MYOM2: variants seen among roughly 807,000 people sequenced by gnomAD.
MYOM2 encodes myomesin-2.
MYOM2 carries 254 observed loss-of-function variants against 187.6 expected under a neutral mutation model. The ratio of observed to expected loss-of-function variants is 1.35; its 90% CI spans 1.22 to 1.50. MYOM2 has a LOEUF of 1.50. Among genes scored for constraint, MYOM2 ranks in the 40% most tolerant of loss-of-function variants. MYOM2 has a pLI of 0.00. For synonymous variants in MYOM2, 981 were observed against 753.8 expected (o/e 1.30, Z -4.94); for missense variants, 2,796 against 1,924.0 (o/e 1.45, Z -8.48).
At chr8:2,054,311 C>T (rs1284933466) in intron 3 of MYOM2, among the ~76,000 whole-genome samples, 2 of 151,956 alleles carry the variant, frequency 1.3e-5, no homozygotes, top group African/African-American at 2.4e-5. Flanking sequence ...GATACGACCC[C>T]GATGCTCTGA....
At chr8:2,094,213 A>G in intron 17 of MYOM2, 122 bp downstream of exon 17, 1 of 1,296,064 alleles carries the variant, frequency 7.7e-7, no homozygotes, top group Non-Finnish European at 1.1e-6. Flanking sequence ...AAATTCCTGA[A>G]CAGAGAACTT....
At chr8:2,130,723 A>G (rs1405203135) in intron 32 of MYOM2, among the ~76,000 whole-genome samples, 1 of 152,194 alleles carries the variant, frequency 6.6e-6, no homozygotes, top group East Asian at 1.9e-4. Context: ...TGTAGATCCC[A>G]TGTTAAGGGA....
At position 2,144,766 on chromosome 8, in the gene MYOM2, G is replaced by A. The variant is rs141655876; in HGVS notation, c.4183G>A (p.Val1395Met). Residue 1395 changes from valine (V) to methionine (M), a missense_variant, in exon 37 of 37, where the codon GTG becomes ATG. Val to Met is a conservative substitution (Grantham distance 21). Coordinates refer to ENST00000262113, the MANE Select transcript of MYOM2 (RefSeq NM_003970.4). ...GCTCAGCGAGCACTTCTCGGTGAAGGTGGAGCAGGCCAAGTACGTCAGCAT... is the reference window on the plus strand; with the variant it reads ...GCTCAGCGAGCACTTCTCGGTGAAGATGGAGCAGGCCAAGTACGTCAGCAT... ...IQLSEHFSVKVEQAKYVSMTI... is the reference protein window; with the variant it reads ...IQLSEHFSVKMEQAKYVSMTI... The A allele has an allele frequency of 3.7e-6, 6 of 1,614,082 alleles. No individual in the cohort carries two copies. In the South Asian group the frequency reaches 5.5e-5, roughly 15 times the overall value.
At chr8:2,081,510 G>A (rs181744492) in intron 13 of MYOM2, among the ~76,000 whole-genome samples, 35 of 152,364 alleles carry the variant, frequency 2.3e-4, no homozygotes, top group Non-Finnish European at 4.1e-4. Context: ...GGGCAGCCCG[G>A]ATCACGCTGA....
chr8:2,093,838 T>C, intron 16 of MYOM2, 132 bp from the exon 17 acceptor site: 1 of 1,076,756 alleles, frequency 9.3e-7, no homozygotes, highest in Non-Finnish European at 1.4e-6. Context: ...GCTAATTAAC[T>C]AGAATTGAAA....
At position 2,144,995 on chromosome 8, in the gene MYOM2, G is replaced by A; in HGVS notation, c.*14G>A. 6.2e-7 allele frequency: 1 copy of A among 1,610,100 alleles called. No homozygotes were observed. Among genetic ancestry groups the A allele is most frequent in the Non-Finnish European group, 8.5e-7 (1 of 1,179,016 alleles). On this transcript the variant is annotated 3_prime_UTR_variant, in exon 37 of 37. Coordinates refer to ENST00000262113, the MANE Select transcript of MYOM2 (RefSeq NM_003970.4). ...GCAGGCCAGTGAAGGCGTTTTCCTA[G>A]CCTGGAGATGGGAAAATATGCTTGG...
At chr8:2,126,220 T>C (rs796942850) in intron 31 of MYOM2, among the ~76,000 whole-genome samples, 13 of 152,266 alleles carry the variant, frequency 8.5e-5, no homozygotes, top group African/African-American at 1.9e-4. Context: ...GGGAGTTGGA[T>C]AGGGACAGAG....
rs184256617 is a variant in MYOM2 at position 2,083,864 on chromosome 8, C to A, written c.1517-1399C>A. On this transcript the variant is annotated intron_variant, in intron 13 of 36. Coordinates refer to ENST00000262113, the MANE Select transcript of MYOM2 (RefSeq NM_003970.4). ...GACAAAGCTGTGTTCTTCCTTCTCA[C>A]CTTGTCATCAAAGGAACTGTCTCTC... 3.1e-3 allele frequency among the ~76,000 whole-genome samples: 473 copies of A among 152,330 alleles called. 3 individuals are homozygous for A. Among genetic ancestry groups the A allele is most frequent in the Admixed American group, 6.8e-3 (104 of 15,312 alleles).
chr8:2,106,724 G>A, intron 23 of MYOM2, 127 bp downstream of exon 23: 1 of 676,728 alleles, frequency 1.5e-6, no homozygotes, highest in Non-Finnish European at 2.5e-6. Flanking sequence ...GGCGGTGGGG[G>A]CTATGTATAT....
chr8:2,124,493 T>A (rs1267159793), intron 31 of MYOM2, among the ~76,000 whole-genome samples: 2 of 152,246 alleles, frequency 1.3e-5, no homozygotes, highest in Non-Finnish European at 2.9e-5. Context: ...TTAATTGGCA[T>A]GACTGCTTTG....
chr8:2,102,514 T>G (rs560219666), intron 20 of MYOM2, among the ~76,000 whole-genome samples, 153 bp from the exon 21 acceptor site: 22 of 152,360 alleles, frequency 1.4e-4, no homozygotes, highest in African/African-American at 4.8e-4. Flanking sequence ...GTGAATCTCC[T>G]CTTCCCTCCT....
intron 32 of MYOM2, among the ~76,000 whole-genome samples, chr8:2,129,930 T>C (rs1367958707): frequency 6.6e-6 from 1 of 152,172 alleles, no homozygotes; most frequent in East Asian, 1.9e-4. Flanking sequence ...TCACCGCAGA[T>C]AAAAGTGGAC....
At chr8:2,093,728 G>A (rs918887516) in intron 16 of MYOM2, among the ~76,000 whole-genome samples, 2 of 152,206 alleles carry the variant, frequency 1.3e-5, no homozygotes, top group Non-Finnish European at 2.9e-5. Flanking sequence ...AAGTACAAAA[G>A]CAAAGGTGAA....
At chr8:2,059,442 G>A (rs1818779985) in intron 6 of MYOM2, among the ~76,000 whole-genome samples, 197 bp downstream of exon 6, 1 of 152,098 alleles carries the variant, frequency 6.6e-6, no homozygotes. Flanking sequence ...TCTGGCCAGA[G>A]GAATGCAAAC....
intron 21 of MYOM2, among the ~76,000 whole-genome samples, chr8:2,105,825 C>G (rs1330837880): frequency 6.6e-6 from 1 of 152,186 alleles, no homozygotes; most frequent in South Asian, 2.1e-4. Flanking sequence ...TGGGTACCCC[C>G]TCGGCATTAG....
intron 6 of MYOM2, among the ~76,000 whole-genome samples, chr8:2,065,513 T>A (rs527443735): frequency 7.2e-5 from 11 of 152,128 alleles, no homozygotes; most frequent in Non-Finnish European, 1.5e-4. Context: ...GAGGTTTCAG[T>A]GAGCCAAGAT....
At chr8:2,061,406 C>T (rs1213596117) in intron 6 of MYOM2, among the ~76,000 whole-genome samples, 1 of 152,150 alleles carries the variant, frequency 6.6e-6, no homozygotes, top group African/African-American at 2.4e-5. Flanking sequence ...TGGCTTCTCT[C>T]CCTCTGTCTG....
Position 2,092,482 on chromosome 8 carries a change from C to G in MYOM2, c.1965C>G (p.Leu655=). 1 of 1,614,110 alleles carries G rather than the reference C, an allele frequency of 6.2e-7. No individual in the cohort carries two copies. Among genetic ancestry groups the G allele is most frequent in the East Asian group, 2.2e-5 (1 of 44,856 alleles). The change falls in exon 16 of 37, where the codon CTC becomes CTG. Residue 655 remains leucine (L), a synonymous_variant. Coordinates refer to ENST00000262113, the MANE Select transcript of MYOM2 (RefSeq NM_003970.4). ...YVDCCVAGTN[L]WEPCNHKPIG... is the part of the protein sequence containing the mutation. ...ACTGCTGTGTGGCCGGAACCAACCT[C>G]TGGGAGCCCTGCAACCACAAGCCCA...
rs899566203 is a variant in MYOM2 at position 2,099,097 on chromosome 8, C to T, written c.2440+114C>T. Reference sequence around the variant, plus strand: ...CTTCACAGCGTGTCTGTTCCTCCGACACCCGCAGCCGCAGAGCCACCGTGC... The same window carrying T: ...CTTCACAGCGTGTCTGTTCCTCCGATACCCGCAGCCGCAGAGCCACCGTGC... On this transcript the variant is annotated intron_variant, in intron 19 of 36. Transcript: ENST00000262113. 11 of 1,352,630 alleles carry T rather than the reference C, an allele frequency of 8.1e-6. 1 individual carries two copies. The highest frequency in any genetic ancestry group is 1.5e-5 in the African/African-American group (1 of 68,340). 83.8% of individuals were successfully genotyped at this position (1,352,630 alleles called of 1,614,324 possible).
Sources: gnomAD v4.1 joint callset for allele counts (sites outside exome capture counted in the v4.1 genomes callset) on GRCh38, gnomAD v4.1.1 for gene constraint, MANE v1.5 for transcripts, NCBI Gene and HGNC (gene_info 2026-07-23, HGNC 2026-07-21) for gene names.